Variants in PIK3C2B observed in about 807,000 individuals in gnomAD.
PIK3C2B encodes the protein phosphatidylinositol-4-phosphate 3-kinase catalytic subunit type 2 beta, also known as phosphatidylinositol 4-phosphate 3-kinase C2 domain-containing subunit beta.
A neutral mutation model predicts 184.3 loss-of-function variants in PIK3C2B; 83 were observed. The ratio of observed to expected loss-of-function variants is 0.45; its 90% CI spans 0.38 to 0.54. The LOEUF (loss-of-function observed/expected upper bound fraction) is 0.54, where lower values mean the gene tolerates loss of function less well. Ranked by LOEUF, PIK3C2B falls within the 20% of genes least tolerant of loss-of-function variation. The probability of loss-of-function intolerance (pLI) is 0.00; values close to 1 mark genes in which losing one functional copy is unlikely to be tolerated. For missense variants in PIK3C2B, 1,736 were observed against 2,113.5 expected (o/e 0.82, Z 3.50); for synonymous variants, 779 against 837.6 (o/e 0.93, Z 1.21).
At chr1:204,476,828 G>A (rs1053984481) in intron 1 of PIK3C2B, among the ~76,000 whole-genome samples, 1 of 152,218 alleles carries the variant, frequency 6.6e-6, no homozygotes, top group African/African-American at 2.4e-5. Context: ...GTGCCTCCTG[G>A]AGTTATACAC....
chr1:204,464,084 T>G lies in PIK3C2B; in HGVS notation c.1238A>C (p.His413Pro), dbSNP rs752746080. The G allele has an allele frequency of 1.3e-5, 21 of 1,613,976 alleles. No homozygotes were observed. Among genetic ancestry groups the G allele is most frequent in the Non-Finnish European group, 1.7e-5 (20 of 1,179,970 alleles). Residue 413 changes from histidine (H) to proline (P), a missense_variant, in exon 5 of 33, where the codon CAT becomes CCT. By Grantham distance (77) the His-to-Pro change is moderately conservative. Transcript: ENST00000684373. ...CACGTCCACATTCCTCAGGTCATCA[T>G]GGGTGTAGCACAGGGTCTGGTAGAT... ...LLIYQTLCYT[H>P]DDLRNVDVGD...
chr1:204,423,390 G>A lies in PIK3C2B; in HGVS notation c.*1462C>T, dbSNP rs1008060504. 1.3e-5 allele frequency: 2 copies of A among 151,218 alleles called. No homozygotes were observed. Among genetic ancestry groups the A allele is most frequent in the East Asian group, 3.9e-4 (2 of 5,088 alleles). 9.4% of individuals were successfully genotyped at this position (151,218 alleles called of 1,614,324 possible). A position where few individuals can be genotyped will look rare whatever the true frequency, so the allele number is the denominator to read the frequency against. On this transcript the variant is annotated 3_prime_UTR_variant, in exon 33 of 33. Coordinates refer to ENST00000684373, the MANE Select transcript of PIK3C2B (RefSeq NM_001377334.1). ...TTGAACCCGGGAGGCAGATTTTGCA[G>A]TGAGTCGAGATCATGCCACTACACT...
intron 26 of PIK3C2B, 92 bp from the exon 27 acceptor site, chr1:204,432,493 A>T (rs1455018085): frequency 6.4e-6 from 6 of 942,200 alleles, no homozygotes; most frequent in Non-Finnish European, 1.0e-5. Context: ...CTGACTCCTG[A>T]GACTAACAAT....
At chr1:204,444,032 C>T (rs966015429) in intron 18 of PIK3C2B, 36 bp downstream of exon 18, 10 of 1,381,188 alleles carry the variant, frequency 7.2e-6, no homozygotes, top group Middle Eastern at 1.8e-4. Context: ...GTGAAAGACA[C>T]GTGTCTACCT....
chr1:204,453,390 G>A (rs1654537266), intron 12 of PIK3C2B, among the ~76,000 whole-genome samples: 1 of 152,200 alleles, frequency 6.6e-6, no homozygotes, highest in East Asian at 1.9e-4. Context: ...TTGTTTACAT[G>A]TGGTGATTAA....
chr1:204,441,153 C>T (rs1197593683), intron 21 of PIK3C2B, among the ~76,000 whole-genome samples: 1 of 152,222 alleles, frequency 6.6e-6, no homozygotes, highest in Non-Finnish European at 1.5e-5. Flanking sequence ...TGCCACATGG[C>T]ATTCAGCCTC....
At chr1:204,453,608 G>A (rs1654558958) in intron 12 of PIK3C2B, among the ~76,000 whole-genome samples, 1 of 151,986 alleles carries the variant, frequency 6.6e-6, no homozygotes, top group East Asian at 1.9e-4. Context: ...TCTTTCTCTA[G>A]ACAACCCTCC....
At chr1:204,490,400 C>T (rs2271417) in intron 1 of PIK3C2B, 7,991 of 153,684 alleles carry the variant, frequency 0.052, 448 homozygotes, top group East Asian at 0.25. Flanking sequence ...ATCCCAATGT[C>T]CCAGTGTTTT....
chr1:204,469,605 G>A lies in PIK3C2B; in HGVS notation c.198C>T (p.Asp66=), dbSNP rs780513475. Residue 66 remains aspartate (D), a synonymous_variant, in exon 2 of 33, where the codon GAC becomes GAT. Coordinates refer to ENST00000684373, the MANE Select transcript of PIK3C2B (RefSeq NM_001377334.1). The stretch of plus-strand genomic sequence containing the variant: ...GCCTTCCTGCTGGCTTGCTGTAAAA[G>A]TCTACCCCAGGCTCATCCCAGCTGA... ...SLISWDEPGV[D]FYSKPAGRRT... 43 of 1,604,630 alleles carry A rather than the reference G, an allele frequency of 2.7e-5. No homozygotes were observed. Among genetic ancestry groups the A allele is most frequent in the Non-Finnish European group, 3.7e-5 (43 of 1,174,554 alleles).
Position 204,484,649 on chromosome 1 carries a change from G to A in PIK3C2B, c.-85+9707C>T, listed in dbSNP as rs556102069. ...TTTGGGAGGCTGAGGCAGGAGAATC[G>A]CTTGAAACTGGGAGGTGGAAGTTGC... On this transcript the variant is annotated intron_variant, in intron 1 of 32. Coordinates refer to ENST00000684373, the MANE Select transcript of PIK3C2B (RefSeq NM_001377334.1). Among the ~76,000 whole-genome samples the A allele has an allele frequency of 6.6e-5, 10 of 152,102 alleles. No individual in the cohort carries two copies. In the South Asian group the frequency reaches 1.5e-3, roughly 22 times the overall value.
intron 8 of PIK3C2B, among the ~76,000 whole-genome samples, chr1:204,458,611 A>G (rs1474493814): frequency 6.6e-6 from 1 of 150,924 alleles, no homozygotes; most frequent in Non-Finnish European, 1.5e-5. Context: ...CTCTTGCTTC[A>G]GCCTCCTGAA....
At chr1:204,467,616 C>A (rs1356030938) in intron 2 of PIK3C2B, among the ~76,000 whole-genome samples, 3 of 152,076 alleles carry the variant, frequency 2.0e-5, no homozygotes, top group Non-Finnish European at 2.9e-5. Flanking sequence ...GGACAGATCA[C>A]CTGAGGTCAG....
chr1:204,455,812 C>A (rs763632700), intron 11 of PIK3C2B, 44 bp downstream of exon 11: 3 of 1,508,230 alleles, frequency 2.0e-6, no homozygotes, highest in South Asian at 2.5e-5. Flanking sequence ...TGGTGGAGGT[C>A]AAACTCAGCT....
chr1:204,432,129 A>G, intron 27 of PIK3C2B, 71 bp downstream of exon 27: 1 of 1,408,656 alleles, frequency 7.1e-7, no homozygotes, highest in South Asian at 1.2e-5. Context: ...AAGTGTGGAA[A>G]AAGTCAGGAT....
rs138587423 is a variant in PIK3C2B, at chr1:204,446,140, T to C, written c.2494A>G (p.Thr832Ala). 1.9e-6 allele frequency: 3 copies of C among 1,550,448 alleles called. No homozygotes were observed. Among genetic ancestry groups the C allele is most frequent in the African/African-American group, 2.7e-5 (2 of 73,234 alleles). Residue 832 changes from threonine (T) to alanine (A), a missense_variant, in exon 16 of 33, where the codon ACT becomes GCT. Around this residue, in one of 8 missense-constraint regions of PIK3C2B, gnomAD observed 609 missense variants for 699.2 expected, o/e 0.87. Transcript: ENST00000684373. ...CACAGGCGCTTCTTGTCAGCATCAG[T>C]GAGCCTGGTGGGCACACGGAAAGGA... ...IMQKESLYWL[T>A]DADKKRLWEK...
chr1:204,427,864 G>C, intron 30 of PIK3C2B, 110 bp from the exon 31 acceptor site: 1 of 762,722 alleles, frequency 1.3e-6, no homozygotes, highest in Non-Finnish European at 2.3e-6. Context: ...TGATACTCAT[G>C]AGGCATCTAC....
chr1:204,445,917 A>G, intron 16 of PIK3C2B, 39 bp downstream of exon 16: 1 of 1,410,708 alleles, frequency 7.1e-7, no homozygotes, highest in Non-Finnish European at 9.5e-7. Flanking sequence ...TGGCTTCTAC[A>G]AGAACACATA....
At chr1:204,435,266 G>A (rs1032888996) in intron 23 of PIK3C2B, 2 of 152,180 alleles carry the variant, frequency 1.3e-5, no homozygotes, top group Non-Finnish European at 2.9e-5. Flanking sequence ...TAAAGCAGGA[G>A]AGGAGTGGTG....
Position 204,464,432 on chromosome 1 carries a change from C to T in PIK3C2B, c.1189+18G>A, listed in dbSNP as rs569803515. The T allele has an allele frequency of 6.2e-7, 1 of 1,607,440 alleles. No homozygotes were observed. The highest frequency in any genetic ancestry group is 2.2e-5 in the East Asian group (1 of 44,814). ...ACTTCAAGGGATGCTCACATCCTCT[C>T]CCCCCTCACTAACTTACAGTTGCAG... On this transcript the variant is annotated intron_variant, in intron 4 of 32. Transcript: ENST00000684373.
Sources: gnomAD v4.1 joint callset for allele counts (sites outside exome capture counted in the v4.1 genomes callset) on GRCh38, gnomAD v4.1.1 for gene constraint, gnomAD v4.1.1 regional missense constraint, MANE v1.5 for transcripts, NCBI Gene and HGNC (gene_info 2026-07-23, HGNC 2026-07-21) for gene names.